ARL10: variants seen among roughly 807,000 people sequenced by gnomAD.
ARL10 encodes ADP-ribosylation factor-like protein 10.
Under a neutral mutation model 26.1 loss-of-function variants are expected in ARL10, and 23 were observed. That is an observed-to-expected ratio of 0.88 (90% CI 0.63 to 1.25). ARL10 has a LOEUF of 1.25. Among genes scored for constraint, ARL10 ranks in the 50% most tolerant of loss-of-function variants. The pLI is 0.00. For synonymous variants in ARL10, 138 were observed against 149.1 expected (o/e 0.93, Z 0.54); for missense variants, 300 against 323.6 (o/e 0.93, Z 0.56).
At chr5:176,389,390 A>G (rs1295756513), downstream of ARL10, 1 of 1,614,126 alleles carries the variant, frequency 6.2e-7, no homozygotes, top group Non-Finnish European at 8.5e-7. Flanking sequence ...CCGGGGCAAC[A>G]GCCAGCGCTC....
chr5:176,404,051 A>G (rs1756975766), downstream of ARL10, among the ~76,000 whole-genome samples: 1 of 152,200 alleles, frequency 6.6e-6, no homozygotes, highest in Admixed American at 6.6e-5. Context: ...CACCACACCC[A>G]GCCAAGTTTT....
At chr5:176,404,246 AAGACT>A (rs965431935), downstream of ARL10, among the ~76,000 whole-genome samples, 5 of 152,294 alleles carry the variant, frequency 3.3e-5, no homozygotes, top group Non-Finnish European at 5.9e-5. Flanking sequence ...CTCTCAAGAC[AAGACT>A]AGAGACTGGG....
chr5:176,368,908 T>C lies in ARL10; in HGVS notation c.487T>C (p.Trp163Arg), dbSNP rs1475670034. ...VDSADRLRLP[W>R]ARQELHKLLD... ...CTCGGCTGACCGACTGCGGCTGCCC[T>C]GGGCCCGACAGGAGCTGCACAAGCT... The change falls in exon 3 of 4, where the codon TGG (tryptophan) becomes CGG (arginine). Residue 163 changes from tryptophan (W) to arginine (R), a missense_variant. Trp to Arg is a moderately radical substitution (Grantham distance 101). Coordinates refer to ENST00000310389, the MANE Select transcript of ARL10 (RefSeq NM_173664.6). The surrounding 1 kb of genome is among the most constrained non-coding windows in gnomAD (Gnocchi z 4.1). 3 of 1,614,022 alleles carry C rather than the reference T, an allele frequency of 1.9e-6. No homozygotes were observed.
At chr5:176,387,728 C>G (rs954453982) in intron 1 of ARL10, among the ~76,000 whole-genome samples, 61 of 152,182 alleles carry the variant, frequency 4.0e-4, no homozygotes, top group Admixed American at 4.0e-3. Context: ...ATAGCGAAAC[C>G]CTGCCTCTAC....
intron 1 of ARL10, among the ~76,000 whole-genome samples, chr5:176,394,764 G>A (rs1047216813): frequency 6.6e-6 from 1 of 151,940 alleles, no homozygotes; most frequent in Non-Finnish European, 1.5e-5. Flanking sequence ...GCAGTGAGCT[G>A]AGATCATGCC....
At chr5:176,411,967 G>A in the ARL10 span, among the ~76,000 whole-genome samples, 1 of 152,142 alleles carries the variant, frequency 6.6e-6, no homozygotes, top group South Asian at 2.1e-4. Flanking sequence ...ACGAAGTCAG[G>A]AGATCGAGAC....
Position 176,365,538 on chromosome 5 carries a change from C to A in ARL10, c.-26C>A. Reference sequence around the variant, plus strand: ...GCGAGTGGGCTCGGCCTGTGCAACCCGCACCTGCGTCCCTCGCCCGGCCCG... The same window carrying A: ...GCGAGTGGGCTCGGCCTGTGCAACCAGCACCTGCGTCCCTCGCCCGGCCCG... On this transcript the variant is annotated 5_prime_UTR_variant, in exon 1 of 4. Coordinates refer to ENST00000310389, the MANE Select transcript of ARL10 (RefSeq NM_173664.6). 8.2e-7 allele frequency: 1 copy of A among 1,224,050 alleles called. No individual in the cohort carries two copies. The highest frequency in any genetic ancestry group is 1.6e-5 in the African/African-American group (1 of 63,992). The allele number at this position is 1,224,050 out of a possible 1,614,324, so 75.8% of individuals were successfully genotyped here. A position where few individuals can be genotyped will look rare whatever the true frequency, so the allele number is the denominator to read the frequency against.
intron 1 of ARL10, among the ~76,000 whole-genome samples, chr5:176,395,982 A>G (rs965640320): frequency 6.6e-6 from 1 of 152,088 alleles, no homozygotes; most frequent in Non-Finnish European, 1.5e-5. Context: ...TAAAAATACA[A>G]AAGTTAGCCG....
Position 176,379,826 on chromosome 5 carries a change from C to G in ARL10, c.*7931C>G, listed in dbSNP as rs956191254. Reference sequence around the variant, plus strand: ...CCTCCTCTTGGGGTTTTGGAGTGGTCTTTAGTATCCTCAGGCTGTTGCCAT... The same window carrying G: ...CCTCCTCTTGGGGTTTTGGAGTGGTGTTTAGTATCCTCAGGCTGTTGCCAT... On this transcript the variant is annotated 3_prime_UTR_variant, in exon 4 of 4. Coordinates refer to ENST00000310389, the MANE Select transcript of ARL10 (RefSeq NM_173664.6). 1 of 152,178 alleles carries G rather than the reference C, an allele frequency of 6.6e-6. No individual in the cohort carries two copies. The highest frequency in any genetic ancestry group is 1.5e-5 in the Non-Finnish European group (1 of 68,030). 9.4% of individuals were successfully genotyped at this position (152,178 alleles called of 1,614,324 possible). A position where few individuals can be genotyped will look rare whatever the true frequency, so the allele number is the denominator to read the frequency against.
At chr5:176,383,027 C>T (rs1755589290), downstream of ARL10, among the ~76,000 whole-genome samples, 1 of 152,134 alleles carries the variant, frequency 6.6e-6, no homozygotes. Context: ...GGGACTCTCC[C>T]AGCCTGCCTT....
rs143117575 is a variant in ARL10, at chr5:176,393,860, G to A, written c.134-7881G>A. On this transcript the variant is annotated intron_variant, in intron 1 of 1. Coordinates refer to the ARL10 transcript ENST00000514533. This position sits in a 1 kb window ranked among gnomAD's most constrained non-coding sequence, Gnocchi z 4.4. ...GAAAGACAATAAGGGATTCTTAGGT[G>A]AGGAGAGCTGGGTCTATGTCCTGTT... 0.015 allele frequency among the ~76,000 whole-genome samples: 2,300 copies of A among 152,334 alleles called. 13 individuals carry two copies. The highest frequency in any genetic ancestry group is 0.023 in the Non-Finnish European group (1,567 of 68,030).
Position 176,393,949 on chromosome 5 carries a change from C to T in ARL10, c.134-7792C>T, listed in dbSNP as rs1756372955. On this transcript the variant is annotated intron_variant, in intron 1 of 1. Transcript: ENST00000514533. The surrounding 1 kb of genome is among the most constrained non-coding windows in gnomAD (Gnocchi z 4.4). Reference sequence around the variant, plus strand: ...CTCTCCATCTCAAGCAGGACCAGTTCTGCCGATGCCAGACATGACTGATGG... The same window carrying T: ...CTCTCCATCTCAAGCAGGACCAGTTTTGCCGATGCCAGACATGACTGATGG... Among the ~76,000 whole-genome samples the T allele has an allele frequency of 6.6e-6, 1 of 152,216 alleles. No individual in the cohort carries two copies. The highest frequency in any genetic ancestry group is 6.5e-5 in the Admixed American group (1 of 15,278).
intron 2 of ARL10, among the ~76,000 whole-genome samples, chr5:176,367,794 AC>A (rs1429398502): frequency 6.6e-6 from 1 of 152,112 alleles, no homozygotes; most frequent in Admixed American, 6.5e-5. Context: ...TCCAGGGCCA[AC>A]CCCTGTTCCA....
At chr5:176,396,468 C>T in intron 1 of ARL10, 1 of 1,612,642 alleles carries the variant, frequency 6.2e-7, no homozygotes, top group Non-Finnish European at 8.5e-7. Flanking sequence ...AGAAGCAAAA[C>T]AGACACGTAC....
chr5:176,412,131 C>G, the ARL10 span, among the ~76,000 whole-genome samples: 67,937 of 148,810 alleles, frequency 0.46, 15,849 homozygotes, highest in African/African-American at 0.56. Context: ...AGCCGAGATC[C>G]CGCCACTGCA....
chr5:176,410,098 C>CA, the ARL10 span, among the ~76,000 whole-genome samples: 1 of 151,974 alleles, frequency 6.6e-6, no homozygotes, highest in African/African-American at 2.4e-5. Flanking sequence ...CTCTACATGA[C>CA]AAAAAAAATT....
At chr5:176,414,733 T>C in the ARL10 span, among the ~76,000 whole-genome samples, 1 of 152,194 alleles carries the variant, frequency 6.6e-6, no homozygotes, top group Non-Finnish European at 1.5e-5. Context: ...TTCCTGGCTG[T>C]GTGACTCTGG....
chr5:176,406,090 CCT>C (rs1757108714), downstream of ARL10: 9 of 937,128 alleles, frequency 9.6e-6, no homozygotes, highest in Non-Finnish European at 1.1e-5. Flanking sequence ...TTTTCCTGCC[CCT>C]GTCCCCACCC....
chr5:176,413,487 G>A, the ARL10 span, among the ~76,000 whole-genome samples: 2 of 152,158 alleles, frequency 1.3e-5, no homozygotes, highest in Non-Finnish European at 2.9e-5. Flanking sequence ...AGAGAGGAGG[G>A]GCTCCCTGTG....
Sources: allele counts gnomAD v4.1 joint callset (sites outside exome capture counted in the v4.1 genomes callset), GRCh38; gene constraint gnomAD v4.1.1; non-coding constraint Gnocchi (gnomAD v3.1); transcripts MANE v1.5; gene names NCBI Gene and HGNC (gene_info 2026-07-23, HGNC 2026-07-21).